FAM227B: variants seen among roughly 807,000 people sequenced by gnomAD.
The protein encoded by FAM227B is family with sequence similarity 227 member B.
FAM227B carries 88 observed loss-of-function variants against 73.8 expected under a neutral mutation model. The observed-to-expected ratio is 1.19, with a 90% CI of 1.00 to 1.42. FAM227B has a LOEUF of 1.42. Ranked by LOEUF, FAM227B falls within the 40% of genes most tolerant of loss-of-function variation. The pLI, the probability that FAM227B is intolerant of heterozygous loss-of-function variation, is 0.00. For missense variants in FAM227B, 632 were observed against 590.9 expected, an observed-to-expected ratio of 1.07 and a Z score of -0.72; for synonymous variants, 210 against 190.5, an observed-to-expected ratio of 1.10 and a Z score of -0.84.
At chr15:49,429,158 C>A (rs1337473628) in intron 11 of FAM227B, among the ~76,000 whole-genome samples, 1 of 151,910 alleles carries the variant, frequency 6.6e-6, no homozygotes, top group Non-Finnish European at 1.5e-5. Context: ...GTAAGGACAA[C>A]CCCTGCCTTT....
intron 11 of FAM227B, among the ~76,000 whole-genome samples, chr15:49,460,615 C>T (rs1304668947): frequency 6.6e-6 from 1 of 152,090 alleles, no homozygotes; most frequent in African/African-American, 2.4e-5. Flanking sequence ...CTAGCAACAG[C>T]CAAGTCAGAA....
intron 11 of FAM227B, among the ~76,000 whole-genome samples, chr15:49,411,391 ATTCT>A (rs2048864850): frequency 6.6e-6 from 1 of 152,130 alleles, no homozygotes; most frequent in South Asian, 2.1e-4. Context: ...TATATATTTC[ATTCT>A]TTCTTGTCCA....
At chr15:49,352,350 G>C (rs375063474) in intron 13 of FAM227B, among the ~76,000 whole-genome samples, 35 of 152,298 alleles carry the variant, frequency 2.3e-4, no homozygotes, top group African/African-American at 8.2e-4. Flanking sequence ...GAATTGGTGA[G>C]GTCACATTGT....
At chr15:49,412,984 T>C (rs2151693497) in intron 11 of FAM227B, among the ~76,000 whole-genome samples, 1 of 152,232 alleles carries the variant, frequency 6.6e-6, no homozygotes, top group South Asian at 2.1e-4. Context: ...TTTTCCCCTC[T>C]AATCCTGGTC....
intron 3 of FAM227B, among the ~76,000 whole-genome samples, chr15:49,593,300 C>T (rs1481680388): frequency 1.3e-5 from 2 of 152,180 alleles, no homozygotes; most frequent in Non-Finnish European, 2.9e-5. Context: ...GGAGCTGTTC[C>T]TATTCGGCCA....
At chr15:49,504,708 A>G (rs1227669680) in intron 11 of FAM227B, among the ~76,000 whole-genome samples, 1 of 152,134 alleles carries the variant, frequency 6.6e-6, no homozygotes, top group Admixed American at 6.5e-5. Context: ...CCATGACTGT[A>G]AACTTCCTGA....
At chr15:49,363,578 G>A (rs549079397) in intron 13 of FAM227B, among the ~76,000 whole-genome samples, 30 of 152,138 alleles carry the variant, frequency 2.0e-4, no homozygotes, top group Admixed American at 3.9e-4. Flanking sequence ...AACAAGGATA[G>A]TTTAACTTCC....
chr15:49,521,135 T>C (rs1221197177), intron 10 of FAM227B, among the ~76,000 whole-genome samples: 1 of 152,172 alleles, frequency 6.6e-6, no homozygotes, highest in East Asian at 1.9e-4. Flanking sequence ...TGTACACTTG[T>C]TATGGGACAC....
intron 11 of FAM227B, among the ~76,000 whole-genome samples, chr15:49,429,813 C>T (rs955648535): frequency 6.6e-6 from 1 of 151,886 alleles, no homozygotes; most frequent in Admixed American, 6.6e-5. Flanking sequence ...AAGGGGATCA[C>T]ATTAGATTAC....
intron 5 of FAM227B, among the ~76,000 whole-genome samples, chr15:49,587,581 T>G (rs1403259100): frequency 6.6e-6 from 1 of 152,152 alleles, no homozygotes; most frequent in Non-Finnish European, 1.5e-5. Context: ...TTTTAGAACA[T>G]ATTTTTAAAA....
At chr15:49,585,546 C>G (rs1164158852) in intron 5 of FAM227B, among the ~76,000 whole-genome samples, 5 of 152,150 alleles carry the variant, frequency 3.3e-5, no homozygotes, top group African/African-American at 9.7e-5. Context: ...TTTGTAGGGA[C>G]ATGGATGAAG....
At chr15:49,372,879 G>A (rs571220286) in intron 11 of FAM227B, among the ~76,000 whole-genome samples, 1 of 152,102 alleles carries the variant, frequency 6.6e-6, no homozygotes, top group Admixed American at 6.5e-5. Flanking sequence ...GGAAATATTA[G>A]GCATTAGCTT....
chr15:49,415,224 T>C (rs1010899683), intron 11 of FAM227B, among the ~76,000 whole-genome samples: 1 of 152,204 alleles, frequency 6.6e-6, no homozygotes, highest in African/African-American at 2.4e-5. Context: ...CCTTGCTACA[T>C]AGACAATTCA....
chr15:49,403,061 G>T (rs1278931806), intron 11 of FAM227B, among the ~76,000 whole-genome samples: 2 of 152,132 alleles, frequency 1.3e-5, no homozygotes, highest in Non-Finnish European at 2.9e-5. Context: ...CTTTAGTTCT[G>T]TTTATGTGAC....
Position 49,483,704 on chromosome 15 carries a change from T to C in FAM227B, c.1012+24507A>G, listed in dbSNP as rs1274394759. ...GGGCATTGAAATGTAATTATTCACA[T>C]TGTCCCCACTTCACTACAATGCAAA... is the stretch of plus-strand genomic sequence containing the variant. On this transcript the variant is annotated intron_variant, in intron 11 of 15. Transcript: ENST00000299338. 3.3e-5 allele frequency among the ~76,000 whole-genome samples: 5 copies of C among 152,164 alleles called. No individual in the cohort carries two copies. In the East Asian group the frequency reaches 7.7e-4, roughly 23 times the overall value.
intron 11 of FAM227B, among the ~76,000 whole-genome samples, chr15:49,386,459 G>A (rs1270451195): frequency 6.6e-6 from 1 of 151,610 alleles, no homozygotes; most frequent in Admixed American, 6.6e-5. Flanking sequence ...ATTGAATGAT[G>A]ATAATGACCC....
chr15:49,611,356 TACTC>T (rs2077903773), intron 2 of FAM227B, 88 bp from the exon 3 acceptor site: 2 of 670,238 alleles, frequency 3.0e-6, no homozygotes, highest in Non-Finnish European at 5.1e-6. Context: ...AATAAAATGA[TACTC>T]TATTTATCAT....
chr15:49,598,945 C>A (rs1248943089), intron 3 of FAM227B, among the ~76,000 whole-genome samples: 1 of 151,954 alleles, frequency 6.6e-6, no homozygotes, highest in Non-Finnish European at 1.5e-5. Flanking sequence ...ATCAGGGTAA[C>A]CCTAGCCTCA....
intron 5 of FAM227B, among the ~76,000 whole-genome samples, chr15:49,580,329 C>A (rs546305865): frequency 6.6e-6 from 1 of 152,280 alleles, no homozygotes; most frequent in African/African-American, 2.4e-5. Flanking sequence ...TACTAACCAG[C>A]ATGCTTAAGC....
Sources: gnomAD v4.1 joint callset for allele counts (sites outside exome capture counted in the v4.1 genomes callset) on GRCh38, gnomAD v4.1.1 for gene constraint, MANE v1.5 for transcripts, NCBI Gene and HGNC (gene_info 2026-07-23, HGNC 2026-07-21) for gene names.